Variants in RAB38 observed in about 807,000 individuals in gnomAD.
RAB38 encodes RAB38, member RAS oncogene family.
A neutral mutation model predicts 18.4 loss-of-function variants in RAB38; 15 were observed. The ratio of observed to expected loss-of-function variants is 0.82; its 90% CI spans 0.55 to 1.26. The LOEUF (loss-of-function observed/expected upper bound fraction) is 1.26. Ranked by LOEUF, RAB38 falls within the 50% of genes most tolerant of loss-of-function variation. The probability of loss-of-function intolerance (pLI) is 0.00; values close to 1 mark genes in which losing one functional copy is unlikely to be tolerated. For synonymous variants in RAB38, 101 were observed against 104.4 expected (o/e 0.97, Z 0.20); for missense variants, 294 against 267.4 (o/e 1.10, Z -0.69).
At chr11:88,049,868 G>T in the RAB38 span, among the ~76,000 whole-genome samples, 51 of 152,348 alleles carry the variant, frequency 3.3e-4, no homozygotes, top group African/African-American at 1.2e-3. Context: ...TTACTACAGT[G>T]AATTCAAAGG....
the RAB38 span, among the ~76,000 whole-genome samples, chr11:87,830,511 A>G: frequency 6.6e-6 from 1 of 152,024 alleles, no homozygotes; most frequent in African/African-American, 2.4e-5. Context: ...AAGCCTAATA[A>G]TGGATAATGT....
the RAB38 span, among the ~76,000 whole-genome samples, chr11:87,809,024 A>G: frequency 6.6e-6 from 1 of 152,112 alleles, no homozygotes; most frequent in Admixed American, 6.5e-5. Flanking sequence ...AAGTCAGTTT[A>G]ATAGAAGGAA....
At chr11:87,891,015 T>C in the RAB38 span, among the ~76,000 whole-genome samples, 3 of 151,884 alleles carry the variant, frequency 2.0e-5, no homozygotes, top group Admixed American at 6.6e-5. Context: ...GGTCACACTC[T>C]CATGAAACCA....
chr11:88,070,233 C>T, the RAB38 span, among the ~76,000 whole-genome samples: 14 of 152,168 alleles, frequency 9.2e-5, no homozygotes, highest in Non-Finnish European at 1.6e-4. Flanking sequence ...CAACTCTGGA[C>T]GGGAGGAGTG....
At chr11:88,114,196 G>C (rs1390781145) in intron 2 of RAB38, 56 bp from the exon 3 acceptor site, 6 of 1,561,624 alleles carry the variant, frequency 3.8e-6, no homozygotes, top group Non-Finnish European at 5.3e-6. Context: ...AATAATGCTA[G>C]AGCAGAGACT....
At chr11:88,032,606 G>A in the RAB38 span, among the ~76,000 whole-genome samples, 6 of 152,320 alleles carry the variant, frequency 3.9e-5, no homozygotes, top group African/African-American at 1.4e-4. Context: ...CATTTATGCA[G>A]CCAAAAAACA....
chr11:87,951,500 C>A, the RAB38 span, among the ~76,000 whole-genome samples: 2 of 142,168 alleles, frequency 1.4e-5, no homozygotes, highest in African/African-American at 5.6e-5. Flanking sequence ...TTTTTCTGCT[C>A]TGTTTTTTTT....
chr11:87,932,038 A>G, the RAB38 span, among the ~76,000 whole-genome samples: 1 of 151,880 alleles, frequency 6.6e-6, no homozygotes, highest in Non-Finnish European at 1.5e-5. Flanking sequence ...TGCTCTCTCC[A>G]TGTCCCAGTT....
the RAB38 span, among the ~76,000 whole-genome samples, chr11:87,963,765 G>A: frequency 6.6e-6 from 1 of 151,514 alleles, no homozygotes; most frequent in African/African-American, 2.4e-5. Context: ...TCCTGCCTCA[G>A]CCTCCCAAGT....
At chr11:88,029,474 T>A in the RAB38 span, among the ~76,000 whole-genome samples, 1 of 152,110 alleles carries the variant, frequency 6.6e-6, no homozygotes, top group South Asian at 2.1e-4. Context: ...TGTGCGGTAT[T>A]CAGGAAACCC....
At chr11:88,138,210 C>T (rs184024675) in intron 2 of RAB38, among the ~76,000 whole-genome samples, 1 of 152,034 alleles carries the variant, frequency 6.6e-6, no homozygotes, top group Admixed American at 6.6e-5. Context: ...ATGGAGATCT[C>T]CAAGACAAAA....
chr11:88,118,296 A>G (rs1016989000), intron 2 of RAB38, among the ~76,000 whole-genome samples: 2 of 152,196 alleles, frequency 1.3e-5, no homozygotes, highest in East Asian at 3.9e-4. Context: ...CTTTCTATAT[A>G]CCAATCAGGT....
chr11:88,174,144 A>C, intron 1 of RAB38: 3 of 945,074 alleles, frequency 3.2e-6, no homozygotes, highest in Non-Finnish European at 3.8e-6. Flanking sequence ...ACCCTTGCCC[A>C]ACTCCTTTCC....
chr11:88,116,195 C>T (rs746739197), intron 2 of RAB38, among the ~76,000 whole-genome samples: 5 of 152,210 alleles, frequency 3.3e-5, no homozygotes, highest in Admixed American at 2.0e-4. Flanking sequence ...CACTTTGTTC[C>T]GGAGCCCTGC....
chr11:88,156,236 C>T lies in RAB38; in HGVS notation c.203-6281G>A, dbSNP rs918855450. The stretch of plus-strand genomic sequence containing the variant: ...CTAAGGCATATAGTCACCACATTGT[C>T]CAAGATCAATGCTAAAGAAAAGAAT... On this transcript the variant is annotated intron_variant, in intron 1 of 2. Transcript: ENST00000243662. Among the ~76,000 whole-genome samples the T allele has an allele frequency of 3.2e-4, 49 of 152,146 alleles. 1 individual carries two copies. Among genetic ancestry groups the T allele is most frequent in the Admixed American group, 3.1e-3 (47 of 15,282 alleles).
the RAB38 span, among the ~76,000 whole-genome samples, chr11:87,887,131 G>A: frequency 1.3e-5 from 2 of 151,924 alleles, no homozygotes; most frequent in Non-Finnish European, 2.9e-5. Flanking sequence ...CAAAAGCCGA[G>A]CAGGCTTGAG....
the RAB38 span, among the ~76,000 whole-genome samples, chr11:88,024,812 C>T: frequency 4.4e-3 from 676 of 151,918 alleles, 2 homozygotes; most frequent in African/African-American, 0.016. Context: ...AAAATCAAAA[C>T]GATTGAACTC....
the RAB38 span, among the ~76,000 whole-genome samples, chr11:87,956,530 ATGTC>A: frequency 6.6e-6 from 1 of 151,748 alleles, no homozygotes; most frequent in Non-Finnish European, 1.5e-5. Context: ...ATAGTAGGAG[ATGTC>A]TGTAGAAACC....
chr11:88,087,139 C>T, the RAB38 span, among the ~76,000 whole-genome samples: 1 of 151,858 alleles, frequency 6.6e-6, no homozygotes, highest in African/African-American at 2.4e-5. Flanking sequence ...CAGAATGTGC[C>T]TTGAATAGAA....
Sources: allele counts gnomAD v4.1 joint callset (sites outside exome capture counted in the v4.1 genomes callset), GRCh38; gene constraint gnomAD v4.1.1; transcripts MANE v1.5; gene names NCBI Gene and HGNC (gene_info 2026-07-23, HGNC 2026-07-21).